Variants in ERBB4 observed in about 807,000 individuals in gnomAD.
ERBB4 encodes the protein erb-b2 receptor tyrosine kinase 4, also known as receptor tyrosine-protein kinase erbB-4.
ERBB4 carries 42 observed loss-of-function variants against 158.0 expected under a neutral mutation model. The observed-to-expected ratio is 0.27, with a 90% confidence interval of 0.21 to 0.34. The LOEUF is 0.34. Among genes scored for constraint, ERBB4 ranks in the 10% least tolerant of loss-of-function variants. The pLI is 1.00. For missense variants in ERBB4, 1,333 were observed against 1,624.1 expected, an observed-to-expected ratio of 0.82 and a Z score of 3.08; for synonymous variants, 583 against 558.7, an observed-to-expected ratio of 1.04 and a Z score of -0.61.
In ERBB4 at chr2:211,385,236, A is replaced by C. The variant is rs56983704; in HGVS notation, c.3482-1176T>G. On this transcript the variant is annotated intron_variant, in intron 27 of 27. Transcript: ENST00000342788. ...CATTTATTCAACTTAAAGGGCAGTA[A>C]TGAATATCCCACTATCATATATAGG... is the stretch of plus-strand genomic sequence containing the variant. Among the ~76,000 whole-genome samples the C allele has an allele frequency of 3.6e-3, 553 of 152,266 alleles. 4 individuals carry two copies. The highest frequency in any genetic ancestry group is 0.013 in the African/African-American group (521 of 41,566).
intron 3 of ERBB4, among the ~76,000 whole-genome samples, chr2:211,897,477 C>T (rs2079127639): frequency 1.3e-5 from 2 of 150,914 alleles, no homozygotes; most frequent in Admixed American, 1.3e-4. Flanking sequence ...ATATCCTTTG[C>T]AAATAGAAAA....
At chr2:212,026,569 T>A (rs550925180) in intron 2 of ERBB4, among the ~76,000 whole-genome samples, 1 of 151,990 alleles carries the variant, frequency 6.6e-6, no homozygotes, top group African/African-American at 2.4e-5. Context: ...CCATTTAAAA[T>A]GCATCAAAAA....
chr2:211,798,915 T>G (rs1046069473), intron 3 of ERBB4, among the ~76,000 whole-genome samples: 2 of 152,176 alleles, frequency 1.3e-5, no homozygotes, highest in Non-Finnish European at 2.9e-5. Flanking sequence ...ATCTTAGATA[T>G]CTGGTTGAGT....
chr2:211,536,426 G>A (rs979945109), intron 20 of ERBB4, among the ~76,000 whole-genome samples: 8 of 151,984 alleles, frequency 5.3e-5, no homozygotes, highest in African/African-American at 9.7e-5. Context: ...ACATTACTCC[G>A]GCTTCCCATT....
At chr2:212,389,569 A>G (rs900391117) in intron 1 of ERBB4, among the ~76,000 whole-genome samples, 1 of 152,050 alleles carries the variant, frequency 6.6e-6, no homozygotes, top group Non-Finnish European at 1.5e-5. Flanking sequence ...TTTATACAAT[A>G]CTTTAGCAAA....
intron 19 of ERBB4, among the ~76,000 whole-genome samples, chr2:211,565,581 AATTAC>A (rs2067522363): frequency 2.6e-5 from 4 of 152,202 alleles, no homozygotes; most frequent in Non-Finnish European, 5.9e-5. Flanking sequence ...ACTTTTTTAT[AATTAC>A]CTTAAAGCTA....
intron 19 of ERBB4, among the ~76,000 whole-genome samples, chr2:211,611,307 T>C (rs1360151919): frequency 6.7e-6 from 1 of 148,890 alleles, no homozygotes. Flanking sequence ...GCTAATTCTG[T>C]AGGACAGAAA....
At chr2:211,600,857 C>T (rs372193092) in intron 19 of ERBB4, among the ~76,000 whole-genome samples, 3 of 152,084 alleles carry the variant, frequency 2.0e-5, no homozygotes, top group African/African-American at 7.2e-5. Context: ...AATTTAGCAG[C>T]AGACAAACTG....
chr2:212,198,641 C>T (rs2082499654), intron 1 of ERBB4, among the ~76,000 whole-genome samples: 1 of 151,622 alleles, frequency 6.6e-6, no homozygotes, highest in Admixed American at 6.6e-5. Flanking sequence ...GTGGTGGGAT[C>T]TCAGTTTACT....
intron 3 of ERBB4, among the ~76,000 whole-genome samples, chr2:211,886,771 T>C (rs1045017346): frequency 2.6e-5 from 4 of 152,226 alleles, no homozygotes; most frequent in African/African-American, 9.6e-5. Flanking sequence ...TTCCATGTCA[T>C]CTACACATGC....
intron 2 of ERBB4, among the ~76,000 whole-genome samples, chr2:212,120,038 G>C (rs1394323605): frequency 6.6e-6 from 1 of 152,098 alleles, no homozygotes; most frequent in Non-Finnish European, 1.5e-5. Flanking sequence ...TTACTATAAA[G>C]TTGCAAGAGT....
At chr2:211,517,921 T>C (rs10196354) in intron 20 of ERBB4, among the ~76,000 whole-genome samples, 49,346 of 151,904 alleles carry the variant, frequency 0.32, 9,364 homozygotes, top group African/African-American at 0.53. Flanking sequence ...TCAAATCCTA[T>C]CTTCTCAAAA....
chr2:212,229,270 G>C (rs1336591379), intron 1 of ERBB4, among the ~76,000 whole-genome samples: 1 of 152,134 alleles, frequency 6.6e-6, no homozygotes, highest in African/African-American at 2.4e-5. Flanking sequence ...CAAGTAAAAG[G>C]GGAAAAGAGG....
intron 25 of ERBB4, among the ~76,000 whole-genome samples, chr2:211,399,097 G>A (rs765848988): frequency 4.6e-5 from 7 of 151,964 alleles, no homozygotes; most frequent in South Asian, 2.1e-4. Flanking sequence ...TGATTACATC[G>A]TGATCTTATG....
At chr2:211,767,143 T>C (rs996246323) in intron 4 of ERBB4, among the ~76,000 whole-genome samples, 3 of 152,250 alleles carry the variant, frequency 2.0e-5, no homozygotes, top group African/African-American at 7.2e-5. Context: ...TTTGTTTTAA[T>C]AAATCTGTGC....
At chr2:211,567,789 T>G (rs1460227356) in intron 19 of ERBB4, among the ~76,000 whole-genome samples, 4 of 130,816 alleles carry the variant, frequency 3.1e-5, no homozygotes, top group Non-Finnish European at 1.5e-5. Context: ...TAGCTTGCAT[T>G]TTTTTTTTTT....
At chr2:211,940,996 A>C (rs1007524510) in intron 3 of ERBB4, among the ~76,000 whole-genome samples, 5 of 152,154 alleles carry the variant, frequency 3.3e-5, no homozygotes, top group African/African-American at 9.7e-5. Flanking sequence ...ATATGTTTCT[A>C]TCGACTGGTA....
chr2:211,409,377 A>G (rs1173985399), intron 25 of ERBB4, among the ~76,000 whole-genome samples: 1 of 152,196 alleles, frequency 6.6e-6, no homozygotes, highest in Admixed American at 6.5e-5. Flanking sequence ...GCAGAGCCTA[A>G]TACATGAATA....
intron 1 of ERBB4, among the ~76,000 whole-genome samples, chr2:212,360,512 GACTCTTGTAGCA>G (rs1163588527): frequency 6.6e-6 from 1 of 151,426 alleles, no homozygotes; most frequent in Non-Finnish European, 1.5e-5. Flanking sequence ...TTTTCCTCGG[GACTCTTGTAGCA>G]ACTTTTTTAT....
Sources: gnomAD v4.1 joint callset for allele counts (sites outside exome capture counted in the v4.1 genomes callset) on GRCh38, gnomAD v4.1.1 for gene constraint, MANE v1.5 for transcripts, NCBI Gene and HGNC (gene_info 2026-07-23, HGNC 2026-07-21) for gene names.